The following VRK2 variants were observed in gnomAD, a reference collection of about 807,000 sequenced individuals.
VRK2 encodes the protein serine/threonine-protein kinase VRK2.
Under a neutral mutation model 57.6 loss-of-function variants are expected in VRK2, and 60 were observed. The observed-to-expected ratio is 1.04, with a 90% CI of 0.85 to 1.29. The LOEUF is 1.29. Among genes scored for constraint, VRK2 ranks in the 50% most tolerant of loss-of-function variants. The probability of loss-of-function intolerance (pLI) is 0.00; values close to 1 mark genes in which losing one functional copy is unlikely to be tolerated. For missense variants in VRK2, 705 were observed against 588.1 expected (o/e 1.20, Z -2.06); for synonymous variants, 231 against 199.2 (o/e 1.16, Z -1.35).
At chr2:57,922,297 C>T (rs1670374739) in intron 1 of VRK2, among the ~76,000 whole-genome samples, 1 of 151,858 alleles carries the variant, frequency 6.6e-6, no homozygotes, top group South Asian at 2.1e-4. Flanking sequence ...AATATATTGT[C>T]GTCAACATCG....
chr2:58,066,732 A>T (rs551174152), intron 2 of VRK2, among the ~76,000 whole-genome samples: 1 of 151,958 alleles, frequency 6.6e-6, no homozygotes, highest in Non-Finnish European at 1.5e-5. Flanking sequence ...GCATTCTTTT[A>T]AAAAAAATGG....
chr2:58,151,156 A>G (rs1682963501), intron 12 of VRK2, among the ~76,000 whole-genome samples: 4 of 151,684 alleles, frequency 2.6e-5, no homozygotes, highest in Admixed American at 2.6e-4. Flanking sequence ...TTATCATTTA[A>G]TGACAAAGGA....
chr2:57,955,852 A>T (rs1558511369), intron 1 of VRK2, among the ~76,000 whole-genome samples: 1 of 152,150 alleles, frequency 6.6e-6, no homozygotes, highest in African/African-American at 2.4e-5. Context: ...AAAAGTAAAA[A>T]TTTTATTTTG....
chr2:58,015,707 C>G (rs1195048406), intron 1 of VRK2, among the ~76,000 whole-genome samples: 1 of 152,036 alleles, frequency 6.6e-6, no homozygotes, highest in African/African-American at 2.4e-5. Context: ...AATCCACTTT[C>G]ATTTGACAAG....
chr2:58,083,062 A>G (rs1671123580), intron 2 of VRK2, among the ~76,000 whole-genome samples: 1 of 151,772 alleles, frequency 6.6e-6, no homozygotes, highest in South Asian at 2.1e-4. Context: ...TTGAATATAT[A>G]AAAATATATT....
intron 1 of VRK2, among the ~76,000 whole-genome samples, chr2:57,956,416 A>C (rs927553562): frequency 1.3e-5 from 2 of 152,140 alleles, no homozygotes; most frequent in African/African-American, 4.8e-5. Flanking sequence ...GTAAAATAAT[A>C]GTATTCATTC....
intron 1 of VRK2, among the ~76,000 whole-genome samples, chr2:57,913,216 GCCC>G (rs1670043941): frequency 6.6e-6 from 1 of 152,124 alleles, no homozygotes; most frequent in Non-Finnish European, 1.5e-5. Flanking sequence ...TTCAATCTTG[GCCC>G]TACCAATTTA....
At chr2:57,986,590 C>T (rs1672601054) in intron 1 of VRK2, among the ~76,000 whole-genome samples, 1 of 143,796 alleles carries the variant, frequency 7.0e-6, no homozygotes, top group South Asian at 2.2e-4. Flanking sequence ...ATACATAGTT[C>T]AATCGATTTT....
intron 1 of VRK2, among the ~76,000 whole-genome samples, chr2:57,913,209 AAT>A (rs1670043361): frequency 6.6e-6 from 1 of 152,222 alleles, no homozygotes; most frequent in Non-Finnish European, 1.5e-5. Context: ...CCTGGGATTC[AAT>A]CTTGGCCCTA....
intron 7 of VRK2, among the ~76,000 whole-genome samples, chr2:58,093,418 T>A (rs1008278929): frequency 2.6e-5 from 4 of 152,168 alleles, no homozygotes; most frequent in African/African-American, 9.7e-5. Context: ...TGGCCAGTGA[T>A]GATGAGCATT....
At chr2:58,136,221 A>T (rs1359147412) in intron 10 of VRK2, among the ~76,000 whole-genome samples, 2 of 152,010 alleles carry the variant, frequency 1.3e-5, no homozygotes, top group African/African-American at 4.8e-5. Flanking sequence ...TCCCCACATG[A>T]GTCTTTTGTT....
At chr2:58,071,192 A>G (rs533726363) in intron 2 of VRK2, among the ~76,000 whole-genome samples, 2 of 152,138 alleles carry the variant, frequency 1.3e-5, no homozygotes, top group South Asian at 2.1e-4. Context: ...AATATTTTGT[A>G]TATTTTTGAT....
intron 2 of VRK2, among the ~76,000 whole-genome samples, chr2:58,063,650 T>A (rs752665642): frequency 1.3e-5 from 2 of 152,076 alleles, no homozygotes; most frequent in Non-Finnish European, 2.9e-5. Context: ...ACAAGGAGAT[T>A]AATGTTGTTT....
At chr2:58,073,419 A>G (rs1310316581) in intron 2 of VRK2, among the ~76,000 whole-genome samples, 1 of 151,978 alleles carries the variant, frequency 6.6e-6, no homozygotes, top group African/African-American at 2.4e-5. Context: ...GTCTCCGGCT[A>G]TAACAGTGGA....
At chr2:58,074,244 A>G (rs1281708172) in intron 2 of VRK2, among the ~76,000 whole-genome samples, 1 of 152,096 alleles carries the variant, frequency 6.6e-6, no homozygotes, top group Non-Finnish European at 1.5e-5. Context: ...CTACTCTGTC[A>G]CTATCTGTCT....
chr2:58,070,540 A>G (rs1572940982), intron 2 of VRK2, among the ~76,000 whole-genome samples: 1 of 152,068 alleles, frequency 6.6e-6, no homozygotes, highest in African/African-American at 2.4e-5. Flanking sequence ...TAGTTTTGCC[A>G]TTTTCAGAAT....
chr2:58,080,246 C>T (rs1358787141), intron 2 of VRK2, among the ~76,000 whole-genome samples: 2 of 151,806 alleles, frequency 1.3e-5, no homozygotes, highest in Admixed American at 1.3e-4. Flanking sequence ...CCCCAGAGAA[C>T]GTAGCTTTAA....
intron 7 of VRK2, among the ~76,000 whole-genome samples, chr2:58,105,670 C>G (rs535094597): frequency 6.6e-6 from 1 of 151,454 alleles, no homozygotes; most frequent in East Asian, 1.9e-4. Flanking sequence ...GGGAAAATGG[C>G]ATTTCTGAAT....
intron 2 of VRK2, among the ~76,000 whole-genome samples, chr2:58,068,634 C>G (rs532470017): frequency 6.6e-6 from 1 of 151,932 alleles, no homozygotes; most frequent in Non-Finnish European, 1.5e-5. Context: ...GCTTCCTTCT[C>G]TTCTGGGATT....
Sources: allele counts gnomAD v4.1 joint callset (sites outside exome capture counted in the v4.1 genomes callset), GRCh38; gene constraint gnomAD v4.1.1; transcripts MANE v1.5; gene names NCBI Gene and HGNC (gene_info 2026-07-23, HGNC 2026-07-21).